Variants in FAM153A observed in about 807,000 individuals in gnomAD.
FAM153A encodes the protein family with sequence similarity 153 member A.
Under a neutral mutation model 48.1 loss-of-function variants are expected in FAM153A, and 12 were observed. That is an observed-to-expected ratio of 0.25 (90% CI 0.16 to 0.40). FAM153A has a LOEUF of 0.40. FAM153A is among the 10% of genes least tolerant of loss of function. The pLI is 1.00. For missense variants in FAM153A, 111 were observed against 345.8 expected (o/e 0.32, Z 5.38); for synonymous variants, 36 against 118.2 (o/e 0.30, Z 4.51).
At chr5:177,717,631 A>G (rs1760148112), downstream of FAM153A, among the ~76,000 whole-genome samples, 1 of 147,492 alleles carries the variant, frequency 6.8e-6, no homozygotes, top group Non-Finnish European at 1.5e-5. Context: ...ATTATTAAAC[A>G]TAGCATCAGC....
downstream of FAM153A, among the ~76,000 whole-genome samples, chr5:177,708,879 A>G (rs1197078155): frequency 2.0e-5 from 3 of 151,694 alleles, no homozygotes; most frequent in Admixed American, 6.6e-5. Context: ...TGGATCACAA[A>G]GTCAAGAGAT....
At chr5:177,734,677 T>C (rs1445288238) in intron 13 of FAM153A, among the ~76,000 whole-genome samples, 186 bp downstream of exon 15, 1 of 149,120 alleles carries the variant, frequency 6.7e-6, no homozygotes, top group African/African-American at 2.6e-5. Flanking sequence ...AGGTGACTGA[T>C]GCTGTCATTT....
chr5:177,728,950 C>T (rs1003673755), intron 18 of FAM153A, 73 bp downstream of exon 20: 2 of 477,236 alleles, frequency 4.2e-6, no homozygotes, highest in Non-Finnish European at 7.5e-6. Context: ...TGAGCAAAAG[C>T]AGGTGAAGCA....
downstream of FAM153A, among the ~76,000 whole-genome samples, chr5:177,706,444 C>T (rs779096180): frequency 6.6e-6 from 1 of 151,864 alleles, no homozygotes; most frequent in Non-Finnish European, 1.5e-5. Flanking sequence ...CGTGATCCAC[C>T]CGCCTCGGCC....
intron 10 of FAM153A, among the ~76,000 whole-genome samples, chr5:177,737,716 C>T (rs959075348): frequency 6.6e-6 from 1 of 151,602 alleles, no homozygotes; most frequent in African/African-American, 2.4e-5. Flanking sequence ...GATGGGTTTT[C>T]TCCATGTTGG....
Position 177,744,869 on chromosome 5 carries a change from CA to C in FAM153A, c.339+18del. 7.6e-7 allele frequency: 1 copy of C among 1,316,940 alleles called. No homozygotes were observed. Among genetic ancestry groups the C allele is most frequent in the Non-Finnish European group, 1.0e-6 (1 of 965,474 alleles). The allele number at this position is 1,316,940 out of a possible 1,614,324, so 81.6% of individuals were successfully genotyped here. ...AAGAAAGCAACAGTTTTTTCTCAGACAAATCCAGGTGGCCTGACCTTCATCG... is the reference window on the plus strand; with the variant it reads ...AAGAAAGCAACAGTTTTTTCTCAGACAATCCAGGTGGCCTGACCTTCATCG... On this transcript the variant is annotated intron_variant, in intron 5 of 20. Coordinates refer to ENST00000614127, the Ensembl canonical transcript of FAM153A.
intron 1 of FAM153A, among the ~76,000 whole-genome samples, chr5:177,758,476 T>C (rs1320972722): frequency 6.9e-6 from 1 of 144,316 alleles, no homozygotes; most frequent in African/African-American, 2.5e-5. Flanking sequence ...AAAAAACTAC[T>C]TTAAAGTTCA....
intron 1 of FAM153A, among the ~76,000 whole-genome samples, chr5:177,759,736 T>G (rs1213316975): frequency 6.6e-6 from 1 of 151,128 alleles, no homozygotes; most frequent in Non-Finnish European, 1.5e-5. Flanking sequence ...ATACCACATG[T>G]TCTCACTCAT....
At chr5:177,708,611 A>G (rs564743744), downstream of FAM153A, among the ~76,000 whole-genome samples, 2 of 151,932 alleles carry the variant, frequency 1.3e-5, no homozygotes, top group African/African-American at 4.9e-5. Flanking sequence ...GCTTTCACAT[A>G]TGACAGGCAT....
Position 177,734,947 on chromosome 5 carries a change from A to C in FAM153A, c.665-14T>G, listed in dbSNP as rs543332017. ...CCCTGATCAGAACTAGGAGGATACA[A>C]AGTGACCATCAGCACCTTGGTGGTG... is the stretch of plus-strand genomic sequence containing the variant. On this transcript the variant is annotated splice_polypyrimidine_tract_variant and intron_variant, in intron 12 of 20. Transcript: ENST00000614127. The C allele has an allele frequency of 5.2e-6, 8 of 1,532,906 alleles. No homozygotes were observed. The highest frequency in any genetic ancestry group is 1.2e-5 in the South Asian group (1 of 85,380). 95.0% of individuals were successfully genotyped at this position (1,532,906 alleles called of 1,614,324 possible). A position where few individuals can be genotyped will look rare whatever the true frequency, so the allele number is the denominator to read the frequency against.
chr5:177,722,726 G>A (rs1353215758), downstream of FAM153A, among the ~76,000 whole-genome samples: 62 of 150,364 alleles, frequency 4.1e-4, no homozygotes, highest in African/African-American at 1.3e-3. Context: ...CTACTCAGAT[G>A]TCAAGGCACT....
At chr5:177,708,650 G>C (rs2127546398), downstream of FAM153A, among the ~76,000 whole-genome samples, 1 of 152,132 alleles carries the variant, frequency 6.6e-6, no homozygotes, top group East Asian at 1.9e-4. Context: ...ATAGCAGTTG[G>C]TGTCTTTTCA....
At chr5:177,753,290 A>G (rs1284848552), upstream of FAM153A, 23 of 1,229,510 alleles carry the variant, frequency 1.9e-5, no homozygotes, top group Admixed American at 4.6e-4. Flanking sequence ...GGCAAGACCT[A>G]TATCATCAGA....
chr5:177,738,933 C>CA (rs1413022717), intron 10 of FAM153A, among the ~76,000 whole-genome samples, 180 bp downstream of exon 12: 16 of 150,466 alleles, frequency 1.1e-4, no homozygotes, highest in Admixed American at 6.6e-4. Flanking sequence ...CGGCAGCTAA[C>CA]AGAGACTACG....
At chr5:177,706,235 C>T (rs946760383), downstream of FAM153A, among the ~76,000 whole-genome samples, 5 of 151,654 alleles carry the variant, frequency 3.3e-5, no homozygotes, top group Non-Finnish European at 7.4e-5. Flanking sequence ...CTTGCTCTGT[C>T]GCCCAGGCTA....
downstream of FAM153A, among the ~76,000 whole-genome samples, chr5:177,709,120 A>G (rs1203842288): frequency 1.4e-5 from 2 of 144,646 alleles, no homozygotes; most frequent in African/African-American, 5.4e-5. Context: ...AAAAAAAAAA[A>G]AAAAAAAAAA....
intron 1 of FAM153A, among the ~76,000 whole-genome samples, chr5:177,778,282 A>AAAAG (rs1769393231): frequency 1.2e-5 from 1 of 86,324 alleles, no homozygotes; most frequent in African/African-American, 4.7e-5. Flanking sequence ...AAAAAAAAAA[A>AAAAG]AAAGAAATAA....
intron 4 of FAM153A, among the ~76,000 whole-genome samples, chr5:177,746,732 G>C (rs905569645): frequency 7.9e-5 from 12 of 151,374 alleles, no homozygotes; most frequent in African/African-American, 2.9e-4. Context: ...CTTCATGGGT[G>C]ACAGCAGGTG....
At chr5:177,707,357 C>T (rs1039274821), downstream of FAM153A, among the ~76,000 whole-genome samples, 5 of 151,410 alleles carry the variant, frequency 3.3e-5, no homozygotes, top group Non-Finnish European at 5.9e-5. Flanking sequence ...CAAAGAGAAA[C>T]GTTGGAAACT....
Sources: allele counts gnomAD v4.1 joint callset (sites outside exome capture counted in the v4.1 genomes callset), GRCh38; gene constraint gnomAD v4.1.1; transcripts MANE v1.5; gene names NCBI Gene and HGNC (gene_info 2026-07-23, HGNC 2026-07-21).